COL12A1: variants seen among roughly 807,000 people sequenced by gnomAD.
COL12A1 encodes the protein collagen alpha-1(XII) chain.
A neutral mutation model predicts 349.7 loss-of-function variants in COL12A1; 114 were observed. The observed-to-expected ratio is 0.33, with a 90% CI of 0.28 to 0.38. COL12A1 has a LOEUF of 0.38. COL12A1 is among the 10% of genes least tolerant of loss of function. The pLI, the probability that COL12A1 is intolerant of heterozygous loss-of-function variation, is 1.00. For missense variants in COL12A1, 3,284 were observed against 3,756.9 expected (o/e 0.87, Z 3.29); for synonymous variants, 1,369 against 1,329.0 (o/e 1.03, Z -0.66).
At position 75,156,463 on chromosome 6, in the gene COL12A1, G is replaced by T. The variant is rs774087407; in HGVS notation, c.3044C>A (p.Thr1015Lys). 10 of 1,613,860 alleles carry T rather than the reference G, an allele frequency of 6.2e-6. No individual in the cohort carries two copies. Among genetic ancestry groups the T allele is most frequent in the Non-Finnish European group, 8.5e-6 (10 of 1,179,882 alleles). The change falls in exon 15 of 66, where the codon ACA becomes AAA. Residue 1015 changes from threonine to lysine, a missense_variant. Coordinates refer to ENST00000322507, the MANE Select transcript of COL12A1 (RefSeq NM_004370.6). The stretch of plus-strand genomic sequence containing the variant: ...GACTTTCCCTGGTGCTGGTTTCCAT[G>T]TAACTCTCATTGTGTTTTCTGTTTC... The part of the protein sequence containing the change: ...DEETENTMRV[T>K]WKPAPGKVVN...
At chr6:75,142,480 G>C (rs933581257) in intron 26 of COL12A1, among the ~76,000 whole-genome samples, 1 of 151,926 alleles carries the variant, frequency 6.6e-6, no homozygotes, top group African/African-American at 2.4e-5. Flanking sequence ...GGTCTCTTAC[G>C]CACAGCATTA....
At chr6:75,100,905 A>G in intron 58 of COL12A1, among the ~76,000 whole-genome samples, 1 of 152,194 alleles carries the variant, frequency 6.6e-6, no homozygotes, top group South Asian at 2.1e-4. Flanking sequence ...TTGTTCTGAG[A>G]AACTCTTAAA....
intron 34 of COL12A1, among the ~76,000 whole-genome samples, chr6:75,132,289 C>T (rs1766343488): frequency 6.6e-6 from 1 of 152,136 alleles, no homozygotes; most frequent in Non-Finnish European, 1.5e-5. Context: ...TATAAGGAAG[C>T]AACATTGTAT....
chr6:75,114,026 G>A (rs1396400639), intron 49 of COL12A1, among the ~76,000 whole-genome samples: 1 of 151,616 alleles, frequency 6.6e-6, no homozygotes, highest in Admixed American at 6.6e-5. Context: ...AAAAGTCTGG[G>A]AAATTACAAA....
chr6:75,130,312 G>A, intron 36 of COL12A1, 79 bp from the exon 37 acceptor site: 2 of 1,422,056 alleles, frequency 1.4e-6, no homozygotes, highest in African/African-American at 1.4e-5. Context: ...TTGCTTGCAT[G>A]TGTTTCATTC....
chr6:75,139,311 T>G (rs1766777627), intron 27 of COL12A1, among the ~76,000 whole-genome samples: 1 of 152,146 alleles, frequency 6.6e-6, no homozygotes, highest in Non-Finnish European at 1.5e-5. Flanking sequence ...TAATGGACCT[T>G]CTCCAGTCTA....
intron 63 of COL12A1, 142 bp downstream of exon 63, chr6:75,089,968 C>A: frequency 1.3e-6 from 1 of 788,150 alleles, no homozygotes. Flanking sequence ...TATGAGTTGC[C>A]TAACAGCTCT....
chr6:75,196,612 T>C (rs776406934), intron 2 of COL12A1, among the ~76,000 whole-genome samples: 4 of 152,218 alleles, frequency 2.6e-5, no homozygotes, highest in African/African-American at 4.8e-5. Flanking sequence ...TTTAATCATA[T>C]TTTGAGGTTT....
chr6:75,152,444 A>G lies in COL12A1; in HGVS notation c.3604T>C (p.Leu1202=), dbSNP rs1302928668. ...ATGCTCCATGATCCATCCACCAGCAACACAATGTCTGCCTCAGCTCTGGTG... is the reference window on the plus strand; with the variant it reads ...ATGCTCCATGATCCATCCACCAGCAGCACAATGTCTGCCTCAGCTCTGGTG... ...CLTRAEADIV[L]LVDGSWSIGR... Residue 1202 remains leucine (L), a synonymous_variant, in exon 18 of 66, where the codon TTG becomes CTG. Coordinates refer to ENST00000322507, the MANE Select transcript of COL12A1 (RefSeq NM_004370.6). 6.2e-7 allele frequency: 1 copy of G among 1,613,450 alleles called. No homozygotes were observed. The highest frequency in any genetic ancestry group is 8.5e-7 in the Non-Finnish European group (1 of 1,179,666).
In COL12A1 at chr6:75,123,417, A is replaced by T. The variant is rs1431132567; in HGVS notation, c.6872-13T>A. Reference sequence around the variant, plus strand: ...GTTGGTTTCACAGCTAAAATTTAAAAATAATAATTATAAAAACACACCATG... The same window carrying T: ...GTTGGTTTCACAGCTAAAATTTAAATATAATAATTATAAAAACACACCATG... On this transcript the variant is annotated splice_polypyrimidine_tract_variant and intron_variant, in intron 42 of 65. Transcript: ENST00000322507. The T allele has an allele frequency of 1.3e-6, 2 of 1,539,020 alleles. No individual in the cohort carries two copies. Among genetic ancestry groups the T allele is most frequent in the Non-Finnish European group, 1.8e-6 (2 of 1,140,246 alleles).
At position 75,133,959 on chromosome 6, in the gene COL12A1, G is replaced by T. The variant is rs1479368774; in HGVS notation, c.5563C>A (p.Pro1855Thr). 4 of 1,613,816 alleles carry T rather than the reference G, an allele frequency of 2.5e-6. No individual in the cohort carries two copies. The highest frequency in any genetic ancestry group is 3.4e-6 in the Non-Finnish European group (4 of 1,179,952). The change falls in exon 33 of 66, where the codon CCT (proline) becomes ACT (threonine). Residue 1855 changes from proline to threonine, a missense_variant. Coordinates refer to ENST00000322507, the MANE Select transcript of COL12A1 (RefSeq NM_004370.6). ...CGGACATTCAAGGTGCTGGTAGAAG[G>T]GTCATACACTCTCAGGTTCCTTACA... ...NTVRNLRVYD[P>T]STSTLNVRWD...
Position 75,147,546 on chromosome 6 carries a change from T to C in COL12A1, c.4417+129A>G, listed in dbSNP as rs982027915. ...TATTTTCTGGGCACCTGCACAAAGA[T>C]GACACTCAGTAAATATTTATAGAAT... On this transcript the variant is annotated intron_variant, in intron 23 of 65. Coordinates refer to ENST00000322507, the MANE Select transcript of COL12A1 (RefSeq NM_004370.6). 6.5e-6 allele frequency: 6 copies of C among 928,278 alleles called. No homozygotes were observed. In the South Asian group the frequency reaches 7.3e-5, roughly 11 times the overall value. The allele number at this position is 928,278 out of a possible 1,614,324, so 57.5% of individuals were successfully genotyped here.
intron 5 of COL12A1, 150 bp downstream of exon 5, chr6:75,191,551 A>T: frequency 2.3e-6 from 1 of 429,072 alleles, no homozygotes; most frequent in Non-Finnish European, 4.1e-6. Context: ...GTTATACATT[A>T]TTCTTATATT....
At chr6:75,146,910 C>T (rs768741794) in intron 23 of COL12A1, among the ~76,000 whole-genome samples, 31 of 152,320 alleles carry the variant, frequency 2.0e-4, no homozygotes, top group Non-Finnish European at 2.5e-4. Flanking sequence ...GGATCTAAAA[C>T]TTGAGCAGTA....
chr6:75,151,009 C>A (rs372641244), intron 21 of COL12A1, 132 bp downstream of exon 21: 4 of 597,978 alleles, frequency 6.7e-6, no homozygotes, highest in Non-Finnish European at 1.0e-5. Flanking sequence ...GACATCCAAC[C>A]GGCAGAGGCC....
At chr6:75,148,268 GCCCCTCA>G in intron 22 of COL12A1, 83 bp downstream of exon 22, 6 of 1,310,474 alleles carry the variant, frequency 4.6e-6, no homozygotes, top group Non-Finnish European at 6.3e-6. Flanking sequence ...CATCCCTCTT[GCCCCTCA>G]CCTAACATTA....
intron 49 of COL12A1, among the ~76,000 whole-genome samples, chr6:75,115,120 A>G (rs374389972): frequency 8.5e-5 from 13 of 152,140 alleles, no homozygotes; most frequent in African/African-American, 2.9e-4. Flanking sequence ...AGAGCATTTC[A>G]TATTTCAGAC....
At chr6:75,172,500 C>A (rs1234547786) in intron 13 of COL12A1, among the ~76,000 whole-genome samples, 2 of 152,146 alleles carry the variant, frequency 1.3e-5, no homozygotes, top group African/African-American at 4.8e-5. Flanking sequence ...CAATCTACAT[C>A]TATCCTGTAA....
chr6:75,103,653 C>CCTGA (rs1255609803), intron 55 of COL12A1, 104 bp downstream of exon 55: 3 of 872,876 alleles, frequency 3.4e-6, no homozygotes, highest in Non-Finnish European at 5.6e-6. Context: ...GCACACTGAA[C>CCTGA]CTGAGCTGAC....
Sources: gnomAD v4.1 joint callset for allele counts (sites outside exome capture counted in the v4.1 genomes callset) on GRCh38, gnomAD v4.1.1 for gene constraint, MANE v1.5 for transcripts, NCBI Gene and HGNC (gene_info 2026-07-23, HGNC 2026-07-21) for gene names.